ERMARD: variants seen among roughly 807,000 people sequenced by gnomAD.
ERMARD encodes ER membrane associated RNA degradation.
ERMARD carries 71 observed loss-of-function variants against 83.9 expected under a neutral mutation model. The observed-to-expected ratio is 0.85, with a 90% CI of 0.70 to 1.03. The LOEUF is 1.03. Ranked by LOEUF, ERMARD falls within the 50% of genes least tolerant of loss-of-function variation. The pLI, the probability that ERMARD is intolerant of heterozygous loss-of-function variation, is 0.00. For missense variants in ERMARD, 838 were observed against 810.9 expected, an observed-to-expected ratio of 1.03 and a Z score of -0.41; for synonymous variants, 284 against 298.6, an observed-to-expected ratio of 0.95 and a Z score of 0.50.
chr6:169,751,671 G>A lies in ERMARD; in HGVS notation c.6+8G>A. 6.4e-7 allele frequency: 1 copy of A among 1,554,954 alleles called. No homozygotes were observed. The highest frequency in any genetic ancestry group is 2.4e-5 in the East Asian group (1 of 41,350). The stretch of plus-strand genomic sequence containing the variant: ...GCACCGGAAGTTATGGAGGTAGGGC[G>A]GGTGTAGGGCCCGGTTCGATCCCGA... On this transcript the variant is annotated splice_region_variant and intron_variant, in intron 1 of 17. Coordinates refer to ENST00000366773, the MANE Select transcript of ERMARD (RefSeq NM_018341.3).
In ERMARD at chr6:169,759,830, T is replaced by C; in HGVS notation, c.606-8T>C. ...ATTTTTGTAACAGATCTCTATGGTA[T>C]TTCCTAGATACTGTTCAATGATGAT... On this transcript the variant is annotated splice_region_variant and splice_polypyrimidine_tract_variant and intron_variant, in intron 6 of 17. Coordinates refer to ENST00000366773, the MANE Select transcript of ERMARD (RefSeq NM_018341.3). 1 of 1,609,934 alleles carries C rather than the reference T, an allele frequency of 6.2e-7. No individual in the cohort carries two copies. Among genetic ancestry groups the C allele is most frequent in the South Asian group, 1.1e-5 (1 of 90,494 alleles).
intron 12 of ERMARD, 178 bp from the exon 13 acceptor site, chr6:169,773,141 G>T: frequency 1.9e-6 from 1 of 530,116 alleles, no homozygotes; most frequent in South Asian, 3.0e-5. Flanking sequence ...TCATTTTATT[G>T]GCTGTCATTT....
At chr6:169,758,946 T>C (rs1791171115) in intron 5 of ERMARD, 22 bp from the exon 6 acceptor site, 3 of 1,586,788 alleles carry the variant, frequency 1.9e-6, no homozygotes, top group Non-Finnish European at 2.6e-6. Context: ...TATAATTAAC[T>C]ATGTAATGAT....
At chr6:169,766,812 T>G in intron 10 of ERMARD, 145 bp downstream of exon 10, 1 of 855,462 alleles carries the variant, frequency 1.2e-6, no homozygotes, top group Non-Finnish European at 1.6e-6. Flanking sequence ...CAAAAAAAGC[T>G]GATAATTGAT....
At chr6:169,767,756 T>TAC (rs59747825) in intron 10 of ERMARD, 28,488 of 258,008 alleles carry the variant, frequency 0.11, 1,020 homozygotes, top group Middle Eastern at 0.16. Flanking sequence ...GCACATACAC[T>TAC]ACACACACAC....
At chr6:169,767,862 CAT>C in intron 10 of ERMARD, 2 of 537,898 alleles carry the variant, frequency 3.7e-6, no homozygotes, top group South Asian at 2.2e-5. Context: ...CACACATATT[CAT>C]AGTCACATAC....
chr6:169,752,506 T>G (rs1208435458), intron 1 of ERMARD, among the ~76,000 whole-genome samples: 2 of 152,046 alleles, frequency 1.3e-5, no homozygotes, highest in African/African-American at 4.8e-5. Flanking sequence ...CAACAAATAG[T>G]TGATGTAGAT....
chr6:169,768,681 G>T (rs1792512940), intron 11 of ERMARD, among the ~76,000 whole-genome samples: 1 of 152,126 alleles, frequency 6.6e-6, no homozygotes, highest in Non-Finnish European at 1.5e-5. Context: ...GAGGAAAATG[G>T]CTTGAACCCA....
chr6:169,779,074 G>A, intron 16 of ERMARD, 108 bp from the exon 17 acceptor site: 1 of 976,646 alleles, frequency 1.0e-6, no homozygotes, highest in Non-Finnish European at 1.6e-6. Context: ...ATTATTTTTT[G>A]AGAAGTTGGG....
upstream of ERMARD, chr6:169,751,614 G>C: frequency 1.3e-6 from 2 of 1,583,254 alleles, no homozygotes; most frequent in Non-Finnish European, 1.7e-6. Context: ...GGGCGCGCAG[G>C]CGCCTGCGTC....
intron 1 of ERMARD, 70 bp from the exon 2 acceptor site, chr6:169,753,794 T>G (rs1454838320): frequency 1.6e-6 from 2 of 1,215,728 alleles, no homozygotes; most frequent in Non-Finnish European, 2.2e-6. Flanking sequence ...TTAAGAGATG[T>G]GTCTGAAATA....
At chr6:169,769,841 G>GA in intron 12 of ERMARD, 128 bp downstream of exon 12, 35 of 799,908 alleles carry the variant, frequency 4.4e-5, no homozygotes, top group Non-Finnish European at 5.3e-5. Flanking sequence ...TCCTCCATCA[G>GA]AAAAAAAAGT....
At chr6:169,752,741 T>C (rs1380438756) in intron 1 of ERMARD, among the ~76,000 whole-genome samples, 1 of 152,168 alleles carries the variant, frequency 6.6e-6, no homozygotes, top group East Asian at 1.9e-4. Context: ...GATCCTGAAT[T>C]TGACTTCTTT....
intron 15 of ERMARD, 45 bp from the exon 16 acceptor site, chr6:169,776,410 A>G (rs1319415678): frequency 6.3e-7 from 1 of 1,592,106 alleles, no homozygotes. Context: ...AGTGAGGCCC[A>G]GGTGAGGATC....
chr6:169,759,673 C>T (rs1232567584), intron 6 of ERMARD, among the ~76,000 whole-genome samples, 165 bp from the exon 7 acceptor site: 2 of 152,218 alleles, frequency 1.3e-5, no homozygotes, highest in African/African-American at 2.4e-5. Context: ...CTGCACGCCT[C>T]GGCCTCCCAG....
At chr6:169,767,910 C>T in intron 10 of ERMARD, 193 bp from the exon 11 acceptor site, 2 of 601,088 alleles carry the variant, frequency 3.3e-6, no homozygotes, top group South Asian at 4.1e-5. Flanking sequence ...TTAATATAGT[C>T]TTAAAGTCAT....
chr6:169,766,131 A>G (rs1178417500), intron 9 of ERMARD, among the ~76,000 whole-genome samples: 9 of 152,360 alleles, frequency 5.9e-5, no homozygotes, highest in Middle Eastern at 6.8e-3. Context: ...GTGGAGTTCA[A>G]TCGGTTGCCT....
At position 169,779,249 on chromosome 6, in the gene ERMARD, C is replaced by G. The variant is rs1233716895; in HGVS notation, c.1807C>G (p.His603Asp). The G allele has an allele frequency of 1.9e-6, 3 of 1,614,220 alleles. No homozygotes were observed. The Admixed American group carries it at 5.0e-5, about 27-fold the overall frequency. ...LLIALELVNI[H>D]AVCGKNAHEY... ...CATTGCGCTGGAGTTGGTCAACATT[C>G]ATGCTGTTTGTGGGAAGAATGCGCA... Residue 603 changes from histidine to aspartate, a missense_variant, in exon 17 of 18, where the codon CAT (histidine) becomes GAT (aspartate). Transcript: ENST00000366773.
At position 169,758,935 on chromosome 6, in the gene ERMARD, G is replaced by A. The variant is rs762562861; in HGVS notation, c.508-33G>A. On this transcript the variant is annotated intron_variant, in intron 5 of 17. Transcript: ENST00000366773. Reference sequence around the variant, plus strand: ...CTATATTGGTTTATTCAGTAATTCAGTATAATTAACTATGTAATGATTTGC... The same window carrying A: ...CTATATTGGTTTATTCAGTAATTCAATATAATTAACTATGTAATGATTTGC... The A allele has an allele frequency of 6.5e-6, 10 of 1,549,452 alleles. No homozygotes were observed. In the African/African-American group the frequency reaches 1.2e-4, roughly 19 times the overall value.
Sources: gnomAD v4.1 joint callset for allele counts (sites outside exome capture counted in the v4.1 genomes callset) on GRCh38, gnomAD v4.1.1 for gene constraint, MANE v1.5 for transcripts, NCBI Gene and HGNC (gene_info 2026-07-23, HGNC 2026-07-21) for gene names.